Variants in SRRM4 observed in about 807,000 individuals in gnomAD.
The protein encoded by SRRM4 is serine/arginine repetitive matrix 4, also known as serine/arginine repetitive matrix protein 4.
A neutral mutation model predicts 68.9 loss-of-function variants in SRRM4; 33 were observed. That is an observed-to-expected ratio of 0.48 (90% CI 0.36 to 0.64). The LOEUF is 0.64. Ranked by LOEUF, SRRM4 falls within the 30% of genes least tolerant of loss-of-function variation. The probability of loss-of-function intolerance (pLI) is 0.00; values close to 1 mark genes in which losing one functional copy is unlikely to be tolerated. For synonymous variants in SRRM4, 318 were observed against 318.8 expected (o/e 1.00, Z 0.03); for missense variants, 817 against 827.1 (o/e 0.99, Z 0.15).
chr12:119,075,053 A>T (rs1592887912), intron 1 of SRRM4, among the ~76,000 whole-genome samples: 1 of 152,318 alleles, frequency 6.6e-6, no homozygotes, highest in Non-Finnish European at 1.5e-5. Flanking sequence ...CCTGATGGAT[A>T]AGCAGTGATA....
In SRRM4 at chr12:119,130,675, C is replaced by T. The variant is rs1954291387; in HGVS notation, c.615-3C>T. ...CCCTCAGGTCTCTCTCCCCCATCCC[C>T]AGGCACCGCGGCCGGTCCCCTGAGG... is the stretch of plus-strand genomic sequence containing the variant. On this transcript the variant is annotated splice_polypyrimidine_tract_variant and splice_region_variant and intron_variant, in intron 7 of 12. Coordinates refer to ENST00000267260, the MANE Select transcript of SRRM4 (RefSeq NM_194286.4). 1 of 1,609,086 alleles carries T rather than the reference C, an allele frequency of 6.2e-7. No homozygotes were observed. Among genetic ancestry groups the T allele is most frequent in the Non-Finnish European group, 8.5e-7 (1 of 1,178,362 alleles).
chr12:119,005,307 G>A (rs1425372375), intron 1 of SRRM4, among the ~76,000 whole-genome samples: 2 of 152,216 alleles, frequency 1.3e-5, no homozygotes, highest in Non-Finnish European at 2.9e-5. Context: ...CAGCTCCTCT[G>A]AGACGATAAA....
At chr12:119,112,595 T>C (rs1417498700) in intron 2 of SRRM4, among the ~76,000 whole-genome samples, 1 of 152,214 alleles carries the variant, frequency 6.6e-6, no homozygotes, top group African/African-American at 2.4e-5. Flanking sequence ...GTGGTATACA[T>C]ATACCATGGA....
chr12:119,102,935 A>G (rs572887178), intron 2 of SRRM4, among the ~76,000 whole-genome samples: 39 of 152,322 alleles, frequency 2.6e-4, no homozygotes, highest in African/African-American at 9.1e-4. Flanking sequence ...AATACTGTAT[A>G]CTCAGCATTT....
intron 1 of SRRM4, among the ~76,000 whole-genome samples, chr12:119,031,726 A>C (rs1334571159): frequency 6.6e-6 from 1 of 152,010 alleles, no homozygotes; most frequent in East Asian, 1.9e-4. Flanking sequence ...TCCTGTTTTT[A>C]TTTGCATTTC....
intron 8 of SRRM4, among the ~76,000 whole-genome samples, chr12:119,137,431 T>C (rs1457840522): frequency 6.6e-6 from 1 of 152,132 alleles, no homozygotes; most frequent in Non-Finnish European, 1.5e-5. Context: ...AAACAATAAA[T>C]AACAGTGCCG....
rs1362995598 is a variant in SRRM4 at position 119,096,170 on chromosome 12, G to A, written c.132-6066G>A. Among the ~76,000 whole-genome samples the A allele has an allele frequency of 5.5e-5, 8 of 146,090 alleles. No homozygotes were observed. In the East Asian group the frequency reaches 6.6e-4, roughly 12 times the overall value. ...TGAGTAGCTGGGAGTACAGGTGCCC[G>A]CCACCACGCCCAGCTAATTTTTTTT... On this transcript the variant is annotated intron_variant, in intron 1 of 12. Coordinates refer to ENST00000267260, the MANE Select transcript of SRRM4 (RefSeq NM_194286.4).
Position 119,102,349 on chromosome 12 carries a change from C to G in SRRM4, c.245C>G (p.Thr82Ser). 6.2e-7 allele frequency: 1 copy of G among 1,613,260 alleles called. No homozygotes were observed. Among genetic ancestry groups the G allele is most frequent in the Non-Finnish European group, 8.5e-7 (1 of 1,179,576 alleles). Residue 82 changes from threonine (T) to serine (S), a missense_variant, in exon 2 of 13, where the codon ACC (threonine) becomes AGC (serine). Coordinates refer to ENST00000267260, the MANE Select transcript of SRRM4 (RefSeq NM_194286.4). ...LGTNSWERDK[T>S]CRELGATRGH... ...ACCAACAGTTGGGAGAGAGACAAGACCTGTCGGGAACTGGGTGCCACCAGA... is the reference window on the plus strand; with the variant it reads ...ACCAACAGTTGGGAGAGAGACAAGAGCTGTCGGGAACTGGGTGCCACCAGA...
At chr12:118,990,256 AG>A (rs1953308025) in intron 1 of SRRM4, among the ~76,000 whole-genome samples, 1 of 152,136 alleles carries the variant, frequency 6.6e-6, no homozygotes, top group Admixed American at 6.6e-5. Context: ...TTTGCAGAGG[AG>A]GAAAAAATGG....
In SRRM4 at chr12:119,151,131, C is replaced by T. The variant is rs1954436589; in HGVS notation, c.1191C>T (p.Ser397=). The change falls in exon 10 of 13, where the codon AGC becomes AGT. Residue 397 remains serine (S), a synonymous_variant. Transcript: ENST00000267260. The part of the protein sequence containing the change: ...KGCSRSSSYA[S]TRSSSHSSRS... Reference sequence around the variant, plus strand: ...GTTCCCGCAGCTCCTCCTATGCCAGCACCCGATCCTCCAGTCACTCGTCCC... The same window carrying T: ...GTTCCCGCAGCTCCTCCTATGCCAGTACCCGATCCTCCAGTCACTCGTCCC... 2 of 1,613,876 alleles carry T rather than the reference C, an allele frequency of 1.2e-6. No individual in the cohort carries two copies. Among genetic ancestry groups the T allele is most frequent in the Non-Finnish European group, 1.7e-6 (2 of 1,179,888 alleles).
In SRRM4 at chr12:119,026,320, A is replaced by G. The variant is rs145091562; in HGVS notation, c.131+44307A>G. ...CCTAGACTTGGAAGGTGACAGGATC[A>G]CATAGAGAAATGGACAATTTGAAGT... On this transcript the variant is annotated intron_variant, in intron 1 of 12. Coordinates refer to ENST00000267260, the MANE Select transcript of SRRM4 (RefSeq NM_194286.4). Among the ~76,000 whole-genome samples, 62 of 152,064 alleles carry G rather than the reference A, an allele frequency of 4.1e-4. 2 individuals carry two copies. Among genetic ancestry groups the G allele is most frequent in the African/African-American group, 1.5e-3 (61 of 41,342 alleles).
Position 119,156,531 on chromosome 12 carries a change from C to G in SRRM4, c.1569C>G (p.Ser523Arg), listed in dbSNP as rs1251608932. 6.2e-7 allele frequency: 1 copy of G among 1,610,722 alleles called. No individual in the cohort carries two copies. The highest frequency in any genetic ancestry group is 1.1e-5 in the South Asian group (1 of 90,738). The change falls in exon 13 of 13, where the codon AGC (serine) becomes AGG (arginine). Residue 523 changes from serine to arginine, a missense_variant. Coordinates refer to ENST00000267260, the MANE Select transcript of SRRM4 (RefSeq NM_194286.4). ...GCCCCATCCCCTACTATCGGCCCAGCCCCTCCTCATCCGGCAGCCTCAGCA... is the reference window on the plus strand; with the variant it reads ...GCCCCATCCCCTACTATCGGCCCAGGCCCTCCTCATCCGGCAGCCTCAGCA... ...RKRPIPYYRP[S>R]PSSSGSLSST...
intron 4 of SRRM4, among the ~76,000 whole-genome samples, chr12:119,118,704 C>T (rs956391039): frequency 6.6e-6 from 1 of 152,202 alleles, no homozygotes. Flanking sequence ...CAGCTCCTCC[C>T]AATTTGGGGG....
Position 119,156,842 on chromosome 12 carries a change from A to G in SRRM4, c.*44A>G. 1 of 1,478,376 alleles carries G rather than the reference A, an allele frequency of 6.8e-7. No homozygotes were observed. Among genetic ancestry groups the G allele is most frequent in the Non-Finnish European group, 8.9e-7 (1 of 1,117,804 alleles). 91.6% of individuals were successfully genotyped at this position (1,478,376 alleles called of 1,614,324 possible). A position where few individuals can be genotyped will look rare whatever the true frequency, so the allele number is the denominator to read the frequency against. On this transcript the variant is annotated 3_prime_UTR_variant, in exon 13 of 13. Coordinates refer to ENST00000267260, the MANE Select transcript of SRRM4 (RefSeq NM_194286.4). ...CCCGTGGGGGCCCCTTCGCGCTGCC[A>G]GCCTCCCCCAACCACCTGCCCTCCC...
chr12:119,098,613 T>C (rs1954059264), intron 1 of SRRM4, among the ~76,000 whole-genome samples: 1 of 152,162 alleles, frequency 6.6e-6, no homozygotes, highest in Non-Finnish European at 1.5e-5. Context: ...AATGACAACA[T>C]ATTATTAAGA....
At chr12:119,006,332 C>G (rs554936832) in intron 1 of SRRM4, among the ~76,000 whole-genome samples, 1 of 121,502 alleles carries the variant, frequency 8.2e-6, no homozygotes. Flanking sequence ...CACTAGGGAG[C>G]GACTACTCCT....
intron 1 of SRRM4, among the ~76,000 whole-genome samples, chr12:119,030,444 T>C (rs1953581378): frequency 6.6e-6 from 1 of 152,222 alleles, no homozygotes; most frequent in Non-Finnish European, 1.5e-5. Context: ...AGTTTAGTTC[T>C]GGCTTAGGAA....
chr12:119,009,915 T>C (rs548908480), intron 1 of SRRM4, among the ~76,000 whole-genome samples: 1 of 152,330 alleles, frequency 6.6e-6, no homozygotes, highest in South Asian at 2.1e-4. Context: ...GAACAATTTT[T>C]CTCCTTTCTT....
intron 1 of SRRM4, among the ~76,000 whole-genome samples, chr12:119,065,193 C>T (rs1355787766): frequency 2.0e-5 from 3 of 152,186 alleles, no homozygotes; most frequent in African/African-American, 4.8e-5. Flanking sequence ...TACCTCAGAT[C>T]TGTCCAGCTC....
Sources: gnomAD v4.1 joint callset for allele counts (sites outside exome capture counted in the v4.1 genomes callset) on GRCh38, gnomAD v4.1.1 for gene constraint, MANE v1.5 for transcripts, NCBI Gene and HGNC (gene_info 2026-07-23, HGNC 2026-07-21) for gene names.